Variants in SLCO5A1 observed in about 807,000 individuals in gnomAD.
The protein encoded by SLCO5A1 is organic anion transporter polypeptide-related protein 4.
SLCO5A1 carries 39 observed loss-of-function variants against 65.1 expected under a neutral mutation model. That is an observed-to-expected ratio of 0.60 (90% CI 0.46 to 0.78). SLCO5A1 has a LOEUF of 0.78. Among genes scored for constraint, SLCO5A1 ranks in the 30% least tolerant of loss-of-function variants. SLCO5A1 has a pLI of 0.00. For synonymous variants in SLCO5A1, 438 were observed against 415.7 expected (o/e 1.05, Z -0.65); for missense variants, 1,029 against 1,069.4 (o/e 0.96, Z 0.53).
chr8:69,824,688 T>C, intron 2 of SLCO5A1, among the ~76,000 whole-genome samples: 1 of 152,180 alleles, frequency 6.6e-6, no homozygotes, highest in Non-Finnish European at 1.5e-5. Flanking sequence ...AGCCAAATTC[T>C]ACCAGAGGTA....
intron 2 of SLCO5A1, among the ~76,000 whole-genome samples, chr8:69,815,852 G>C (rs919871610): frequency 1.3e-5 from 2 of 151,986 alleles, no homozygotes; most frequent in Non-Finnish European, 2.9e-5. Flanking sequence ...TAATCCACTG[G>C]AGCACACCAT....
intron 5 of SLCO5A1, among the ~76,000 whole-genome samples, chr8:69,727,343 T>C (rs1487970836): frequency 6.6e-6 from 1 of 152,180 alleles, no homozygotes. Flanking sequence ...ATGCTATATG[T>C]CTTACCTAGT....
At chr8:69,706,074 A>T (rs1814956400) in intron 5 of SLCO5A1, among the ~76,000 whole-genome samples, 1 of 152,266 alleles carries the variant, frequency 6.6e-6, no homozygotes, top group African/African-American at 2.4e-5. Flanking sequence ...ATGTCTATAT[A>T]AAGGATTGCT....
At chr8:69,773,541 G>A (rs1053576141) in intron 2 of SLCO5A1, among the ~76,000 whole-genome samples, 2 of 152,168 alleles carry the variant, frequency 1.3e-5, no homozygotes, top group East Asian at 1.9e-4. Flanking sequence ...CATTCCTGTT[G>A]TCCCCATCTC....
chr8:69,685,202 C>T (rs780030067), intron 6 of SLCO5A1, among the ~76,000 whole-genome samples: 5 of 152,200 alleles, frequency 3.3e-5, no homozygotes, highest in Non-Finnish European at 7.4e-5. Context: ...TGACGTGGTT[C>T]ATCCTTTACA....
chr8:69,679,101 C>A (rs1245214543), intron 8 of SLCO5A1, among the ~76,000 whole-genome samples: 1 of 151,670 alleles, frequency 6.6e-6, no homozygotes, highest in Non-Finnish European at 1.5e-5. Context: ...GCAGAGACTT[C>A]AGGAATCAAA....
In SLCO5A1 at chr8:69,832,751, A is replaced by C; in HGVS notation, c.-78T>G. 2.0e-6 allele frequency: 3 copies of C among 1,484,458 alleles called. No individual in the cohort carries two copies. The highest frequency in any genetic ancestry group is 2.7e-6 in the Non-Finnish European group (3 of 1,116,172). 92.0% of individuals were successfully genotyped at this position (1,484,458 alleles called of 1,614,324 possible). A position where few individuals can be genotyped will look rare whatever the true frequency, so the allele number is the denominator to read the frequency against. ...TTTCATCCACCGGCACGAGGGGCCG[A>C]AGCCGGGCCCAGTCAGTCTTGCCCA... On this transcript the variant is annotated 5_prime_UTR_variant, in exon 2 of 10. Coordinates refer to ENST00000260126, the MANE Select transcript of SLCO5A1 (RefSeq NM_030958.3). The surrounding 1 kb of genome is among the most constrained non-coding windows in gnomAD (Gnocchi z 4.5).
chr8:69,796,054 G>C (rs769580585), intron 2 of SLCO5A1, among the ~76,000 whole-genome samples: 6 of 152,220 alleles, frequency 3.9e-5, no homozygotes, highest in African/African-American at 1.2e-4. Context: ...GGGCAGGGGG[G>C]GCCCTGGGTC....
chr8:69,727,218 G>A lies in SLCO5A1; in HGVS notation c.1423+10822C>T, dbSNP rs375208142. ...ATAGTTGTGCATGGATGGGTGGGTGGGTGAGTGGATAGATGGATGAATGGG... is the reference window on the plus strand; with the variant it reads ...ATAGTTGTGCATGGATGGGTGGGTGAGTGAGTGGATAGATGGATGAATGGG... On this transcript the variant is annotated intron_variant, in intron 5 of 9. Coordinates refer to ENST00000260126, the MANE Select transcript of SLCO5A1 (RefSeq NM_030958.3). Among the ~76,000 whole-genome samples the A allele has an allele frequency of 6.6e-5, 10 of 152,196 alleles. No homozygotes were observed. The South Asian group carries it at 1.7e-3, about 25-fold the overall frequency.
Position 69,679,373 on chromosome 8 carries a change from C to T in SLCO5A1, c.2024+5G>A, listed in dbSNP as rs1435385408. 2 of 1,614,016 alleles carry T rather than the reference C, an allele frequency of 1.2e-6. No individual in the cohort carries two copies. The highest frequency in any genetic ancestry group is 1.7e-6 in the Non-Finnish European group (2 of 1,180,010). ...CCCACCCCAGAAGTTGAATGCTGTT[C>T]TCACCTGAGTGTTACTATGATAGCT... is the stretch of plus-strand genomic sequence containing the variant. On this transcript the variant is annotated splice_donor_5th_base_variant and intron_variant, in intron 8 of 9. Coordinates refer to ENST00000260126, the MANE Select transcript of SLCO5A1 (RefSeq NM_030958.3).
chr8:69,747,240 A>T (rs1214363460), intron 4 of SLCO5A1, among the ~76,000 whole-genome samples: 4 of 152,164 alleles, frequency 2.6e-5, no homozygotes, highest in African/African-American at 9.7e-5. Context: ...CATCACTCAG[A>T]CATCTCTATA....
At chr8:69,784,909 A>AG (rs1491128296) in intron 2 of SLCO5A1, among the ~76,000 whole-genome samples, 1 of 108,258 alleles carries the variant, frequency 9.2e-6, no homozygotes, top group Non-Finnish European at 1.9e-5. Flanking sequence ...AAAGAAAGAA[A>AG]GAAAGAAAGA....
At chr8:69,794,529 T>G (rs905499555) in intron 2 of SLCO5A1, 13 of 389,980 alleles carry the variant, frequency 3.3e-5, no homozygotes, top group Non-Finnish European at 6.1e-5. Flanking sequence ...TCAGCACTCT[T>G]TCAGCTCTCT....
intron 2 of SLCO5A1, among the ~76,000 whole-genome samples, chr8:69,810,089 G>A (rs564583008): frequency 3.3e-5 from 5 of 152,172 alleles, no homozygotes; most frequent in Admixed American, 6.5e-5. Flanking sequence ...TGATTTCCAT[G>A]CCAGGACAAA....
At chr8:69,679,250 G>C (rs914987724) in intron 8 of SLCO5A1, 128 bp downstream of exon 8, 1 of 1,282,560 alleles carries the variant, frequency 7.8e-7, no homozygotes, top group African/African-American at 1.5e-5. Flanking sequence ...GCAAATATCT[G>C]AGCGCCCTCC....
At chr8:69,734,854 G>C (rs1015019377) in intron 5 of SLCO5A1, among the ~76,000 whole-genome samples, 1 of 151,976 alleles carries the variant, frequency 6.6e-6, no homozygotes, top group Non-Finnish European at 1.5e-5. Flanking sequence ...AAGGGATTCA[G>C]AGAACAAAAG....
At chr8:69,755,222 A>C (rs1165645117) in intron 4 of SLCO5A1, among the ~76,000 whole-genome samples, 1 of 152,212 alleles carries the variant, frequency 6.6e-6, no homozygotes, top group Non-Finnish European at 1.5e-5. Flanking sequence ...TACAAAATAT[A>C]ACCTTAATTT....
intron 2 of SLCO5A1, among the ~76,000 whole-genome samples, chr8:69,818,780 C>T (rs978376629): frequency 1.3e-5 from 2 of 152,162 alleles, no homozygotes; most frequent in African/African-American, 2.4e-5. Context: ...TACTGTTGTA[C>T]AGAAGACATA....
chr8:69,779,757 G>C (rs1818719235), intron 2 of SLCO5A1, among the ~76,000 whole-genome samples: 1 of 152,018 alleles, frequency 6.6e-6, no homozygotes, highest in Non-Finnish European at 1.5e-5. Context: ...TTTCATTTAA[G>C]GGCACATTTC....
Sources: allele counts gnomAD v4.1 joint callset (sites outside exome capture counted in the v4.1 genomes callset), GRCh38; gene constraint gnomAD v4.1.1; non-coding constraint Gnocchi (gnomAD v3.1); transcripts MANE v1.5; gene names NCBI Gene and HGNC (gene_info 2026-07-23, HGNC 2026-07-21).